Variants in CNTN4 observed in about 807,000 individuals in gnomAD.
CNTN4 encodes the protein contactin-4.
In CNTN4, 77 loss-of-function variants were observed where a neutral mutation model predicts 122.5. That is an observed-to-expected ratio of 0.63 (90% CI 0.52 to 0.76). The LOEUF (loss-of-function observed/expected upper bound fraction) is 0.76. CNTN4 is among the 30% of genes least tolerant of loss of function. The probability of loss-of-function intolerance (pLI) is 0.00; values close to 1 mark genes in which losing one functional copy is unlikely to be tolerated. For synonymous variants in CNTN4, 512 were observed against 447.0 expected (o/e 1.15, Z -1.83); for missense variants, 1,256 against 1,259.1 (o/e 1.00, Z 0.04).
At chr3:2,747,424 ATAAAAAT>A (rs1450946971) in intron 6 of CNTN4, among the ~76,000 whole-genome samples, 79 of 6,102 alleles carry the variant, frequency 0.013, no homozygotes, top group African/African-American at 0.023. Flanking sequence ...AAAAATAAAA[ATAAAAAT>A]AAAAAATAAA....
At chr3:2,814,880 A>G (rs143179627) in intron 6 of CNTN4, among the ~76,000 whole-genome samples, 4 of 152,364 alleles carry the variant, frequency 2.6e-5, no homozygotes, top group Admixed American at 6.5e-5. Flanking sequence ...AAATAAGAAA[A>G]GTACTTGGCC....
chr3:2,110,657 G>A (rs776342853), intron 2 of CNTN4: 1 of 152,160 alleles, frequency 6.6e-6, no homozygotes, highest in Non-Finnish European at 1.5e-5. Context: ...TACACAAGCT[G>A]TTCAAACATT....
chr3:2,486,978 T>A (rs2151631978), intron 3 of CNTN4, among the ~76,000 whole-genome samples: 1 of 152,332 alleles, frequency 6.6e-6, no homozygotes, highest in South Asian at 2.1e-4. Flanking sequence ...TAGGCGATCC[T>A]TTCTTTATAT....
At chr3:2,990,750 T>C (rs1042983482) in intron 14 of CNTN4, among the ~76,000 whole-genome samples, 4 of 152,242 alleles carry the variant, frequency 2.6e-5, no homozygotes, top group Admixed American at 2.6e-4. Flanking sequence ...TTATAAATAT[T>C]GCTAAGATAG....
chr3:2,621,372 C>G (rs2081983119), intron 4 of CNTN4, among the ~76,000 whole-genome samples: 2 of 152,022 alleles, frequency 1.3e-5, no homozygotes, highest in Admixed American at 6.6e-5. Flanking sequence ...CTGGAGAGGT[C>G]TTAACTTTTG....
chr3:2,557,992 A>T (rs2078791255), intron 3 of CNTN4, among the ~76,000 whole-genome samples: 1 of 152,102 alleles, frequency 6.6e-6, no homozygotes, highest in Non-Finnish European at 1.5e-5. Flanking sequence ...ATAAATATAA[A>T]ATCTGCAATG....
At chr3:2,239,460 T>C (rs1190071384) in intron 2 of CNTN4, among the ~76,000 whole-genome samples, 1 of 152,164 alleles carries the variant, frequency 6.6e-6, no homozygotes, top group Non-Finnish European at 1.5e-5. Context: ...TAGTATCCTA[T>C]CCTGCTAGGC....
At chr3:2,347,483 G>A (rs1666333) in intron 3 of CNTN4, among the ~76,000 whole-genome samples, 3 of 147,860 alleles carry the variant, frequency 2.0e-5, no homozygotes, top group Non-Finnish European at 3.0e-5. Context: ...CATCTCGGCT[G>A]ACTGCAACCT....
At chr3:2,765,949 T>G (rs571708197) in intron 6 of CNTN4, among the ~76,000 whole-genome samples, 23 of 152,322 alleles carry the variant, frequency 1.5e-4, no homozygotes, top group African/African-American at 5.5e-4. Flanking sequence ...TATCATGAAC[T>G]TAGGGATTTG....
intron 4 of CNTN4, among the ~76,000 whole-genome samples, chr3:2,650,480 G>A (rs984905264): frequency 6.6e-6 from 1 of 152,194 alleles, no homozygotes; most frequent in African/African-American, 2.4e-5. Flanking sequence ...AGTTTGAGAG[G>A]ATTGGCTTCA....
intron 2 of CNTN4, among the ~76,000 whole-genome samples, chr3:2,206,988 AT>A (rs1468085987): frequency 5.3e-5 from 8 of 151,456 alleles, no homozygotes; most frequent in African/African-American, 1.2e-4. Flanking sequence ...TCTTTGTAAC[AT>A]TTTGGTAATT....
At chr3:2,286,243 C>CCT (rs978124484) in intron 2 of CNTN4, among the ~76,000 whole-genome samples, 1 of 139,070 alleles carries the variant, frequency 7.2e-6, no homozygotes, top group East Asian at 2.8e-4. Flanking sequence ...CCTGCCCCCC[C>CCT]CACAACATAC....
chr3:2,410,487 A>T (rs546152664), intron 3 of CNTN4, among the ~76,000 whole-genome samples: 51 of 152,324 alleles, frequency 3.3e-4, no homozygotes, highest in African/African-American at 1.1e-3. Flanking sequence ...TTCTCTTGAC[A>T]ATTGTAAAAT....
At chr3:2,506,639 T>C (rs891984955) in intron 3 of CNTN4, among the ~76,000 whole-genome samples, 4 of 152,232 alleles carry the variant, frequency 2.6e-5, no homozygotes, top group Non-Finnish European at 5.9e-5. Flanking sequence ...CCCAACTCTG[T>C]ATTAAAACTG....
At chr3:2,433,977 G>T (rs1027395964) in intron 3 of CNTN4, among the ~76,000 whole-genome samples, 3 of 152,140 alleles carry the variant, frequency 2.0e-5, no homozygotes, top group African/African-American at 4.8e-5. Flanking sequence ...GAAGTAGAGA[G>T]TGATGGTTAC....
chr3:2,622,719 C>T (rs768984695), intron 4 of CNTN4, among the ~76,000 whole-genome samples: 1 of 152,288 alleles, frequency 6.6e-6, no homozygotes, highest in Non-Finnish European at 1.5e-5. Context: ...TTATCTTAGC[C>T]TACCTAAAGC....
chr3:2,950,657 C>G (rs1182711128), intron 13 of CNTN4, among the ~76,000 whole-genome samples: 2 of 152,194 alleles, frequency 1.3e-5, no homozygotes, highest in African/African-American at 2.4e-5. Context: ...TGGCCACTCA[C>G]CTAGACTCTC....
chr3:2,669,637 T>G (rs1003794626), intron 4 of CNTN4, among the ~76,000 whole-genome samples: 1 of 152,234 alleles, frequency 6.6e-6, no homozygotes, highest in African/African-American at 2.4e-5. Context: ...TCTGCTAGGT[T>G]TTGAATGTGT....
At chr3:2,377,423 G>C (rs1258553776) in intron 3 of CNTN4, among the ~76,000 whole-genome samples, 4 of 152,164 alleles carry the variant, frequency 2.6e-5, no homozygotes, top group Non-Finnish European at 4.4e-5. Context: ...CCACACACAG[G>C]TTGTTAAGTC....
Sources: gnomAD v4.1 joint callset for allele counts (sites outside exome capture counted in the v4.1 genomes callset) on GRCh38, gnomAD v4.1.1 for gene constraint, MANE v1.5 for transcripts, NCBI Gene and HGNC (gene_info 2026-07-23, HGNC 2026-07-21) for gene names.